The following CDH13 variants were observed in gnomAD, a reference collection of about 807,000 sequenced individuals.
CDH13 encodes the protein cadherin 13.
CDH13 carries 24 observed loss-of-function variants against 63.8 expected under a neutral mutation model. The observed-to-expected ratio is 0.38, with a 90% CI of 0.27 to 0.53. CDH13 has a LOEUF of 0.53. Among genes scored for constraint, CDH13 ranks in the 20% least tolerant of loss-of-function variants. CDH13 has a pLI of 0.85. For missense variants in CDH13, 1,049 were observed against 903.1 expected (o/e 1.16, Z -2.07); for synonymous variants, 503 against 355.3 (o/e 1.42, Z -4.67).
chr16:82,696,638 T>C (rs1413606424), intron 1 of CDH13, among the ~76,000 whole-genome samples: 1 of 152,244 alleles, frequency 6.6e-6, no homozygotes, highest in East Asian at 1.9e-4. Flanking sequence ...ATGACTCTTA[T>C]CATTTCATTT....
chr16:83,052,917 T>C (rs1044741059), intron 3 of CDH13, among the ~76,000 whole-genome samples: 2 of 152,054 alleles, frequency 1.3e-5, no homozygotes, highest in East Asian at 1.9e-4. Context: ...GTTGTACAGA[T>C]TGGGCCAAAG....
intron 1 of CDH13, among the ~76,000 whole-genome samples, chr16:82,691,672 T>G (rs1336354836): frequency 6.6e-6 from 1 of 152,130 alleles, no homozygotes; most frequent in African/African-American, 2.4e-5. Flanking sequence ...TTAGGGATGG[T>G]GACTTCCAGA....
intron 7 of CDH13, among the ~76,000 whole-genome samples, chr16:83,587,105 C>G (rs192243126): frequency 3.9e-5 from 6 of 151,940 alleles, no homozygotes; most frequent in African/African-American, 1.5e-4. Flanking sequence ...CAGCTTTGCA[C>G]GAAAATGCAT....
intron 1 of CDH13, among the ~76,000 whole-genome samples, chr16:82,753,618 G>A (rs1402084505): frequency 6.6e-6 from 1 of 152,222 alleles, no homozygotes; most frequent in Admixed American, 6.5e-5. Flanking sequence ...GAAGTGTGCT[G>A]TAATGAGAGG....
At chr16:83,443,714 A>G (rs1220797728) in intron 6 of CDH13, among the ~76,000 whole-genome samples, 2 of 91,882 alleles carry the variant, frequency 2.2e-5, no homozygotes, top group African/African-American at 1.2e-4. Flanking sequence ...CGAAAAAAAA[A>G]AAAAAAAAAA....
chr16:83,737,074 G>T (rs981768908), intron 10 of CDH13, among the ~76,000 whole-genome samples: 4 of 152,194 alleles, frequency 2.6e-5, no homozygotes, highest in African/African-American at 9.6e-5. Context: ...CAAAACAGTG[G>T]TTCTTAGGCG....
intron 2 of CDH13, among the ~76,000 whole-genome samples, chr16:82,900,500 G>T (rs1347317840): frequency 6.6e-6 from 1 of 152,164 alleles, no homozygotes; most frequent in Admixed American, 6.5e-5. Context: ...AAAAGCAAGA[G>T]ATAAGAAATA....
chr16:82,843,290 A>G (rs775459078), intron 1 of CDH13, among the ~76,000 whole-genome samples: 15 of 152,234 alleles, frequency 9.9e-5, no homozygotes, highest in Non-Finnish European at 1.9e-4. Flanking sequence ...ACTTGCATCA[A>G]TGCATGAGTC....
intron 2 of CDH13, among the ~76,000 whole-genome samples, chr16:82,998,837 G>C (rs72794130): frequency 0.16 from 23,390 of 148,040 alleles, 2,245 homozygotes; most frequent in African/African-American, 0.26. Flanking sequence ...CTTAAGAAAC[G>C]CTGCCATGTA....
At chr16:83,543,207 G>T (rs539887035) in intron 7 of CDH13, among the ~76,000 whole-genome samples, 2 of 152,220 alleles carry the variant, frequency 1.3e-5, no homozygotes, top group Non-Finnish European at 2.9e-5. Flanking sequence ...TTTTCCTGAT[G>T]TTGCCAGAGG....
intron 1 of CDH13, among the ~76,000 whole-genome samples, chr16:82,729,084 C>T (rs1597421335): frequency 6.6e-6 from 1 of 152,136 alleles, no homozygotes; most frequent in African/African-American, 2.4e-5. Flanking sequence ...CTTTCAGTTT[C>T]CACCACATCT....
intron 2 of CDH13, among the ~76,000 whole-genome samples, chr16:82,921,588 G>C (rs1263484063): frequency 1.3e-5 from 2 of 152,176 alleles, no homozygotes; most frequent in South Asian, 2.1e-4. Context: ...GCAGGGCTCA[G>C]GATCTGACAT....
chr16:83,133,775 A>C (rs2151661143), intron 4 of CDH13, among the ~76,000 whole-genome samples: 1 of 152,332 alleles, frequency 6.6e-6, no homozygotes, highest in Admixed American at 6.5e-5. Context: ...CTGGGATTAC[A>C]GGTGTGACCC....
intron 7 of CDH13, among the ~76,000 whole-genome samples, chr16:83,598,948 G>A (rs541265180): frequency 1.4e-4 from 21 of 152,288 alleles, no homozygotes; most frequent in African/African-American, 4.8e-4. Flanking sequence ...TCCCAGGGTG[G>A]ACTCACTTAG....
intron 4 of CDH13, 25 bp downstream of exon 4, chr16:83,125,526 C>T: frequency 8.1e-7 from 1 of 1,235,262 alleles, no homozygotes; most frequent in Non-Finnish European, 1.2e-6. Context: ...CAGCAAATGA[C>T]AAAAACATGT....
At chr16:83,340,043 C>G (rs776455376) in intron 5 of CDH13, among the ~76,000 whole-genome samples, 16 of 152,162 alleles carry the variant, frequency 1.1e-4, no homozygotes, top group Non-Finnish European at 2.1e-4. Context: ...TCTCTGTGAC[C>G]TTTCCCATCT....
intron 7 of CDH13, among the ~76,000 whole-genome samples, chr16:83,593,242 G>A (rs1906931357): frequency 6.6e-6 from 1 of 152,192 alleles, no homozygotes. Context: ...TTACATCTTT[G>A]CTATGTAGCT....
rs185760745 is a variant in CDH13, at chr16:83,083,019, T to C, written c.367-42366T>C. On this transcript the variant is annotated intron_variant, in intron 3 of 13. Transcript: ENST00000567109. ...TTAATAGGGAAATAAGTAATAACTT[T>C]GAGAGCAATTTAACTTGATCATGAA... 2.0e-4 allele frequency among the ~76,000 whole-genome samples: 31 copies of C among 152,320 alleles called. No homozygotes were observed. The East Asian group carries it at 5.8e-3, about 28-fold the overall frequency.
chr16:83,129,663 G>T (rs145260174), intron 4 of CDH13, among the ~76,000 whole-genome samples: 10 of 152,186 alleles, frequency 6.6e-5, no homozygotes, highest in Admixed American at 6.5e-4. Context: ...GCTTCCAGGG[G>T]TGTAAATTCC....
Sources: allele counts gnomAD v4.1 joint callset (sites outside exome capture counted in the v4.1 genomes callset), GRCh38; gene constraint gnomAD v4.1.1; transcripts MANE v1.5; gene names NCBI Gene and HGNC (gene_info 2026-07-23, HGNC 2026-07-21).